Variants in NIPBL observed in about 807,000 individuals in gnomAD.
NIPBL encodes the protein NIPBL cohesin loading factor, also known as nipped-B-like protein.
A neutral mutation model predicts 321.8 loss-of-function variants in NIPBL; 19 were observed. That is an observed-to-expected ratio of 0.06 (90% confidence interval 0.04 to 0.09). NIPBL has a LOEUF of 0.09. Among genes scored for constraint, NIPBL ranks in the 10% least tolerant of loss-of-function variants. The probability of loss-of-function intolerance (pLI) is 1.00; values close to 1 mark genes in which losing one functional copy is unlikely to be tolerated. For missense variants in NIPBL, 2,210 were observed against 3,327.0 expected, an observed-to-expected ratio of 0.66 and a Z score of 8.26; for synonymous variants, 1,106 against 1,114.1, an observed-to-expected ratio of 0.99 and a Z score of 0.14.
chr5:37,015,721 A>C (rs1462179963), intron 22 of NIPBL, among the ~76,000 whole-genome samples: 1 of 152,036 alleles, frequency 6.6e-6, no homozygotes, highest in Non-Finnish European at 1.5e-5. Context: ...ACAGGGTGAG[A>C]CTCCATCTCA....
intron 9 of NIPBL, among the ~76,000 whole-genome samples, chr5:36,980,600 A>G (rs1744028170): frequency 6.6e-6 from 1 of 151,626 alleles, no homozygotes. Flanking sequence ...CAGTATAGTA[A>G]CATGCTGTAC....
intron 21 of NIPBL, among the ~76,000 whole-genome samples, chr5:37,012,129 C>A (rs1356091605): frequency 6.7e-6 from 1 of 149,096 alleles, no homozygotes. Flanking sequence ...ATATCTTAAT[C>A]TTTAAATTTC....
intron 40 of NIPBL, among the ~76,000 whole-genome samples, chr5:37,050,382 TGAACCCAGGAAGCAGA>T (rs1216864668): frequency 1.4e-4 from 21 of 151,004 alleles, no homozygotes; most frequent in South Asian, 4.2e-4. Flanking sequence ...GAAAATTGCT[TGAACCCAGGAAGCAGA>T]GAACCCAGGA....
At chr5:36,937,646 A>G (rs1738593108) in intron 1 of NIPBL, among the ~76,000 whole-genome samples, 2 of 152,160 alleles carry the variant, frequency 1.3e-5, no homozygotes, top group Admixed American at 6.5e-5. Context: ...TATGTCATCC[A>G]ACGTCTTTCT....
At chr5:36,950,671 A>C (rs1042989629) in intron 1 of NIPBL, among the ~76,000 whole-genome samples, 2 of 152,094 alleles carry the variant, frequency 1.3e-5, no homozygotes, top group African/African-American at 4.8e-5. Flanking sequence ...CCCTCATTAA[A>C]ATCTTCTTTA....
chr5:36,968,524 G>A (rs560996272), intron 6 of NIPBL, among the ~76,000 whole-genome samples: 14 of 152,072 alleles, frequency 9.2e-5, no homozygotes, highest in Middle Eastern at 3.4e-3. Context: ...AGCCGAGATC[G>A]CCTGGGCAAC....
chr5:36,900,364 T>C (rs535445691), intron 1 of NIPBL, among the ~76,000 whole-genome samples: 88 of 152,188 alleles, frequency 5.8e-4, no homozygotes, highest in Non-Finnish European at 1.1e-3. Flanking sequence ...TTAGAGACTT[T>C]AGCGTCCATG....
chr5:36,906,922 T>C (rs982004584), intron 1 of NIPBL, among the ~76,000 whole-genome samples: 6 of 152,344 alleles, frequency 3.9e-5, no homozygotes, highest in South Asian at 2.1e-4. Context: ...CCCCTAAAGA[T>C]ACACTACATT....
intron 8 of NIPBL, 97 bp from the exon 9 acceptor site, chr5:36,975,679 C>T: frequency 8.9e-7 from 1 of 1,126,040 alleles, no homozygotes; most frequent in Non-Finnish European, 1.3e-6. Flanking sequence ...TTATTTTTTT[C>T]TAGTATTACT....
intron 11 of NIPBL, among the ~76,000 whole-genome samples, chr5:36,998,137 G>A (rs920898213): frequency 2.0e-5 from 3 of 152,060 alleles, no homozygotes; most frequent in Non-Finnish European, 4.4e-5. Flanking sequence ...GAACACCCAA[G>A]TCATGTTTTA....
At chr5:37,018,582 G>T (rs1749262821) in intron 24 of NIPBL, among the ~76,000 whole-genome samples, 2 of 152,096 alleles carry the variant, frequency 1.3e-5, no homozygotes, top group African/African-American at 4.8e-5. Flanking sequence ...TAGAAACCAA[G>T]ATCTAGTTAC....
At chr5:37,028,796 A>T (rs1750617846) in intron 32 of NIPBL, among the ~76,000 whole-genome samples, 1 of 152,012 alleles carries the variant, frequency 6.6e-6, no homozygotes, top group South Asian at 2.1e-4. Context: ...CAGTGTTCAT[A>T]TTTTCCTGTC....
At chr5:36,944,752 A>C (rs1739474789) in intron 1 of NIPBL, among the ~76,000 whole-genome samples, 1 of 152,068 alleles carries the variant, frequency 6.6e-6, no homozygotes, top group African/African-American at 2.4e-5. Flanking sequence ...AAAAAAACCA[A>C]AGCTGAATTT....
intron 1 of NIPBL, among the ~76,000 whole-genome samples, chr5:36,890,953 G>C (rs1039083160): frequency 1.8e-4 from 27 of 152,214 alleles, no homozygotes; most frequent in African/African-American, 6.0e-4. Context: ...GAGCTATTAA[G>C]GCATTGCAGA....
intron 1 of NIPBL, among the ~76,000 whole-genome samples, chr5:36,879,047 C>G (rs904829267): frequency 1.6e-4 from 25 of 152,122 alleles, no homozygotes; most frequent in African/African-American, 6.0e-4. Flanking sequence ...CTTAAGAAAG[C>G]AGAGGGTTTG....
chr5:37,027,258 T>G, intron 31 of NIPBL, 101 bp from the exon 32 acceptor site: 1 of 924,924 alleles, frequency 1.1e-6, no homozygotes, highest in Non-Finnish European at 1.8e-6. Flanking sequence ...ACTTTTGAAT[T>G]GAGAAAATTG....
In NIPBL at chr5:37,046,151, A is replaced by G; in HGVS notation, c.6541A>G (p.Thr2181Ala). ...AGTACTTGAACTATTGATGTATTTT[A>G]CAAAACACTCAGATGAAGAAGTACA... Reference protein sequence around the residue: ...DKVLELLMYFTKHSDEEVQTK... With the variant: ...DKVLELLMYFAKHSDEEVQTK... Residue 2181 changes from threonine (T) to alanine (A), a missense_variant, in exon 38 of 47, where the codon ACA becomes GCA. Thr to Ala is a moderately conservative substitution (Grantham distance 58). Around this residue, in one of 14 missense-constraint regions of NIPBL, gnomAD observed 73 missense variants for 222.3 expected, o/e 0.33. Coordinates refer to ENST00000282516, the MANE Select transcript of NIPBL (RefSeq NM_133433.4). 2 of 1,581,544 alleles carry G rather than the reference A, an allele frequency of 1.3e-6. No individual in the cohort carries two copies. Among genetic ancestry groups the G allele is most frequent in the Non-Finnish European group, 1.7e-6 (2 of 1,150,420 alleles).
At chr5:36,886,288 G>T in intron 1 of NIPBL, 1 of 674,688 alleles carries the variant, frequency 1.5e-6, no homozygotes, top group Admixed American at 2.0e-5. Context: ...CCAGGCCCAG[G>T]AGTACGAGAC....
chr5:36,971,915 C>G (rs1412156474), intron 7 of NIPBL, 30 bp from the exon 8 acceptor site: 1 of 1,589,822 alleles, frequency 6.3e-7, no homozygotes, highest in Non-Finnish European at 8.6e-7. Context: ...TCCTGTCATT[C>G]AAAAGATAAA....
Sources: gnomAD v4.1 joint callset for allele counts (sites outside exome capture counted in the v4.1 genomes callset) on GRCh38, gnomAD v4.1.1 for gene constraint, gnomAD v4.1.1 regional missense constraint, MANE v1.5 for transcripts, NCBI Gene and HGNC (gene_info 2026-07-23, HGNC 2026-07-21) for gene names.